The following PSD3 variants were observed in gnomAD, a reference collection of about 807,000 sequenced individuals.
PSD3 encodes the protein PH and SEC7 domain-containing protein 3.
PSD3 carries 49 observed loss-of-function variants against 105.5 expected under a neutral mutation model. The observed-to-expected ratio is 0.46, with a 90% CI of 0.37 to 0.59. PSD3 has a LOEUF of 0.59. Ranked by LOEUF, PSD3 falls within the 20% of genes least tolerant of loss-of-function variation. The pLI is 0.00. For synonymous variants in PSD3, 557 were observed against 457.8 expected (o/e 1.22, Z -2.77); for missense variants, 1,561 against 1,263.8 (o/e 1.24, Z -3.57).
chr8:18,789,179 G>A (rs988848386), intron 8 of PSD3, among the ~76,000 whole-genome samples: 1 of 152,172 alleles, frequency 6.6e-6, no homozygotes, highest in Non-Finnish European at 1.5e-5. Context: ...AAGCGTTTCA[G>A]AGATACTGTT....
chr8:18,936,983 C>G (rs146974248), intron 1 of PSD3, among the ~76,000 whole-genome samples: 1 of 152,328 alleles, frequency 6.6e-6, no homozygotes, highest in Non-Finnish European at 1.5e-5. Flanking sequence ...CCCATTTATA[C>G]TGATTGTCCT....
chr8:18,927,138 C>T (rs1460976725), intron 2 of PSD3, among the ~76,000 whole-genome samples: 3 of 152,158 alleles, frequency 2.0e-5, no homozygotes, highest in Non-Finnish European at 4.4e-5. Context: ...TCCAAGCCCT[C>T]CCCAGGCACG....
In PSD3 at chr8:18,859,224, C is replaced by CTTTTT. The variant is rs35179243; in HGVS notation, c.1634+8445_1634+8449dup. On this transcript the variant is annotated intron_variant, in intron 4 of 15. Transcript: ENST00000327040. ...TAGCAGTAGTATTTTCAAAGAAATC[C>CTTTTT]TTTTTTTTTTTTTTTTTGCCTCTAA... Among the ~76,000 whole-genome samples the CTTTTT allele has an allele frequency of 8.2e-4, 107 of 130,388 alleles. 1 individual carries two copies. Among genetic ancestry groups the CTTTTT allele is most frequent in the African/African-American group, 2.5e-3 (89 of 35,006 alleles). The allele number at this position is 130,388 out of a possible 152,430, so 85.5% of individuals were successfully genotyped here.
intron 1 of PSD3, among the ~76,000 whole-genome samples, chr8:19,068,814 G>C (rs1176708447): frequency 6.6e-6 from 1 of 151,596 alleles, no homozygotes; most frequent in South Asian, 2.1e-4. Flanking sequence ...TTGGTGCTGC[G>C]ATGTACAGGC....
At chr8:18,754,069 A>G (rs1009430910) in intron 9 of PSD3, among the ~76,000 whole-genome samples, 1 of 152,094 alleles carries the variant, frequency 6.6e-6, no homozygotes, top group Admixed American at 6.5e-5. Flanking sequence ...CAAACTGAGA[A>G]AACAATTGTT....
chr8:19,028,299 C>CCT (rs1563517980), intron 1 of PSD3, among the ~76,000 whole-genome samples: 4 of 96,180 alleles, frequency 4.2e-5, no homozygotes, highest in Admixed American at 1.1e-4. Flanking sequence ...CCGGCCCACC[C>CCT]TTTTTTTTTT....
At chr8:19,073,168 C>T (rs888314562) in intron 1 of PSD3, among the ~76,000 whole-genome samples, 5 of 151,952 alleles carry the variant, frequency 3.3e-5, no homozygotes, top group African/African-American at 1.2e-4. Context: ...AAGGCACAGA[C>T]TGTTCCACCT....
chr8:19,069,363 C>T (rs1829179575), intron 1 of PSD3, among the ~76,000 whole-genome samples: 1 of 152,056 alleles, frequency 6.6e-6, no homozygotes. Flanking sequence ...CACCATTCTT[C>T]CAATGGGGGA....
intron 4 of PSD3, among the ~76,000 whole-genome samples, chr8:18,827,491 G>A (rs961307663): frequency 6.6e-6 from 1 of 152,174 alleles, no homozygotes; most frequent in African/African-American, 2.4e-5. Flanking sequence ...AAGTGGGTAC[G>A]AAAAATGGCC....
intron 9 of PSD3, among the ~76,000 whole-genome samples, chr8:18,718,571 T>C (rs1340605991): frequency 6.6e-6 from 1 of 152,256 alleles, no homozygotes; most frequent in Non-Finnish European, 1.5e-5. Flanking sequence ...AACAAATGTT[T>C]AATACATTTT....
chr8:18,824,638 G>C (rs1362707634), intron 4 of PSD3, among the ~76,000 whole-genome samples: 1 of 152,108 alleles, frequency 6.6e-6, no homozygotes, highest in East Asian at 1.9e-4. Context: ...AAATTCAGGG[G>C]CCATCTATCA....
intron 11 of PSD3, among the ~76,000 whole-genome samples, chr8:18,626,420 T>A (rs185059431): frequency 6.6e-6 from 1 of 152,150 alleles, no homozygotes; most frequent in Non-Finnish European, 1.5e-5. Flanking sequence ...TAAATTTACA[T>A]ACAAATGTAA....
At chr8:18,920,981 T>C (rs1820975435) in intron 2 of PSD3, among the ~76,000 whole-genome samples, 1 of 152,210 alleles carries the variant, frequency 6.6e-6, no homozygotes, top group South Asian at 2.1e-4. Flanking sequence ...ATACTTATAA[T>C]ATTTTCAAAA....
intron 9 of PSD3, among the ~76,000 whole-genome samples, chr8:18,743,735 G>T (rs1482413238): frequency 1.3e-5 from 2 of 149,554 alleles, no homozygotes; most frequent in Non-Finnish European, 3.0e-5. Context: ...CCAGGAATTT[G>T]AGACCAATCT....
chr8:18,761,942 G>C (rs1401417863), intron 9 of PSD3, among the ~76,000 whole-genome samples: 2 of 152,166 alleles, frequency 1.3e-5, no homozygotes, highest in African/African-American at 4.8e-5. Flanking sequence ...ATGAATGACT[G>C]TCTTGATTTG....
intron 1 of PSD3, among the ~76,000 whole-genome samples, chr8:18,955,724 G>C (rs1823525607): frequency 6.6e-6 from 1 of 151,936 alleles, no homozygotes; most frequent in Admixed American, 6.6e-5. Context: ...AGTCATGTCT[G>C]AATCTCAAGC....
chr8:18,828,055 A>G (rs1456064620), intron 4 of PSD3, among the ~76,000 whole-genome samples: 1 of 112,358 alleles, frequency 8.9e-6, no homozygotes, highest in African/African-American at 3.8e-5. Context: ...ATGTATATAT[A>G]TATATATATA....
intron 9 of PSD3, among the ~76,000 whole-genome samples, chr8:18,661,363 G>A (rs1809336146): frequency 1.3e-5 from 2 of 152,140 alleles, no homozygotes; most frequent in African/African-American, 4.8e-5. Context: ...CAAGCAGACT[G>A]TTAAGTATAG....
At chr8:18,919,512 A>C (rs1433382437) in intron 2 of PSD3, among the ~76,000 whole-genome samples, 1 of 151,838 alleles carries the variant, frequency 6.6e-6, no homozygotes, top group Non-Finnish European at 1.5e-5. Context: ...GAGGTTCAAG[A>C]ATCTGAATTT....
Sources: allele counts gnomAD v4.1 joint callset (sites outside exome capture counted in the v4.1 genomes callset), GRCh38; gene constraint gnomAD v4.1.1; transcripts MANE v1.5; gene names NCBI Gene and HGNC (gene_info 2026-07-23, HGNC 2026-07-21).